Variants in TNIK observed in about 807,000 individuals in gnomAD.
TNIK encodes the protein TRAF2 and NCK interacting kinase.
Under a neutral mutation model 191.3 loss-of-function variants are expected in TNIK, and 49 were observed. The ratio of observed to expected loss-of-function variants is 0.26; its 90% CI spans 0.20 to 0.32. TNIK has a LOEUF of 0.32. Among genes scored for constraint, TNIK ranks in the 10% least tolerant of loss-of-function variants. The pLI is 1.00. For synonymous variants in TNIK, 594 were observed against 600.9 expected (o/e 0.99, Z 0.17); for missense variants, 1,155 against 1,702.3 (o/e 0.68, Z 5.66).
intron 1 of TNIK, among the ~76,000 whole-genome samples, chr3:171,424,436 G>A (rs963763626): frequency 6.6e-6 from 1 of 152,204 alleles, no homozygotes; most frequent in South Asian, 2.1e-4. Flanking sequence ...AATTCCTCAG[G>A]GATCTAGAAC....
chr3:171,116,382 A>T (rs1726699463), intron 18 of TNIK, among the ~76,000 whole-genome samples: 1 of 152,226 alleles, frequency 6.6e-6, no homozygotes, highest in African/African-American at 2.4e-5. Flanking sequence ...TTAAATGCTA[A>T]CTTTTAGTTC....
rs1560207371 is a variant in TNIK, at chr3:171,167,205, G to A, written c.839C>T (p.Thr280Ile). The change falls in exon 10 of 33, where the codon ACA becomes ATA. Residue 280 changes from threonine to isoleucine, a missense_variant. This residue lies in a region of TNIK where 225 missense variants were observed against 438.9 expected (regional missense o/e 0.51). Transcript: ENST00000436636. ...LVKNHSQRPA[T>I]EQLMKHPFIR... Reference sequence around the variant, plus strand: ...AAATGGATGCTTCATCAATTGTTCTGTTGCTGGTCGCTGGCTGTGATTCTT... The same window carrying A: ...AAATGGATGCTTCATCAATTGTTCTATTGCTGGTCGCTGGCTGTGATTCTT... 1.2e-6 allele frequency: 2 copies of A among 1,613,930 alleles called. No homozygotes were observed. The highest frequency in any genetic ancestry group is 1.7e-6 in the Non-Finnish European group (2 of 1,179,882).
chr3:171,101,497 C>T lies in TNIK; in HGVS notation c.2543G>A (p.Ser848Asn). Reference protein sequence around the residue: ...SSEEEEEDGESETHDGTVAVS... With the variant: ...SSEEEEEDGENETHDGTVAVS... ...AGCCACTGTCCCATCATGGGTCTCG[C>T]TCTCTCCATCTTCCTCCTCTTCCTC... Residue 848 changes from serine (S) to asparagine (N), a missense_variant, in exon 22 of 33, where the codon AGC becomes AAC. By Grantham distance (46) the Ser-to-Asn change is conservative (BLOSUM62 1). This residue lies in a region of TNIK where 735 missense variants were observed against 848.0 expected (regional missense o/e 0.87). Transcript: ENST00000436636. 1 of 1,613,498 alleles carries T rather than the reference C, an allele frequency of 6.2e-7. No individual in the cohort carries two copies. The highest frequency in any genetic ancestry group is 8.5e-7 in the Non-Finnish European group (1 of 1,179,542).
intron 2 of TNIK, among the ~76,000 whole-genome samples, chr3:171,351,757 TCTC>T (rs983315639): frequency 5.9e-5 from 9 of 152,146 alleles, no homozygotes; most frequent in African/African-American, 2.2e-4. Flanking sequence ...AGATCTCCCT[TCTC>T]CTCTTCACTT....
intron 15 of TNIK, among the ~76,000 whole-genome samples, chr3:171,131,634 G>T (rs1206442499): frequency 6.6e-6 from 1 of 152,188 alleles, no homozygotes; most frequent in African/African-American, 2.4e-5. Flanking sequence ...TTTGTCCAAA[G>T]AAAATTGAAA....
chr3:171,062,371 G>C lies in TNIK; in HGVS notation c.*1510C>G, dbSNP rs1050959536. On this transcript the variant is annotated 3_prime_UTR_variant, in exon 33 of 33. Coordinates refer to ENST00000436636, the MANE Select transcript of TNIK (RefSeq NM_015028.4). Reference sequence around the variant, plus strand: ...CTCCTGGAGATAACACTGCTGTGATGAACAGTGAAACAAAAACAAACAAAA... The same window carrying C: ...CTCCTGGAGATAACACTGCTGTGATCAACAGTGAAACAAAAACAAACAAAA... 1 of 152,028 alleles carries C rather than the reference G, an allele frequency of 6.6e-6. No homozygotes were observed. Among genetic ancestry groups the C allele is most frequent in the African/African-American group, 2.4e-5 (1 of 41,378 alleles). The allele number at this position is 152,028 out of a possible 1,614,324, so 9.4% of individuals were successfully genotyped here. A position where few individuals can be genotyped will look rare whatever the true frequency, so the allele number is the denominator to read the frequency against.
chr3:171,118,349 A>T (rs932016636), intron 18 of TNIK, among the ~76,000 whole-genome samples: 8 of 152,220 alleles, frequency 5.3e-5, no homozygotes, highest in African/African-American at 1.9e-4. Flanking sequence ...ATATCGTGAA[A>T]ATGGCCATAC....
chr3:171,442,067 G>C (rs564351965), intron 1 of TNIK, among the ~76,000 whole-genome samples: 1 of 152,262 alleles, frequency 6.6e-6, no homozygotes, highest in East Asian at 1.9e-4. Flanking sequence ...ATTTGTCAAA[G>C]GGGAGTTATT....
intron 2 of TNIK, among the ~76,000 whole-genome samples, chr3:171,325,542 C>G (rs567752478): frequency 6.6e-6 from 1 of 152,208 alleles, no homozygotes; most frequent in Admixed American, 6.5e-5. Flanking sequence ...TTCAAATGTT[C>G]ATTCTTAATT....
In TNIK at chr3:171,093,956, A is replaced by G; in HGVS notation, c.2604T>C (p.Ala868=). 1.9e-6 allele frequency: 3 copies of G among 1,613,014 alleles called. No individual in the cohort carries two copies. Among genetic ancestry groups the G allele is most frequent in the Non-Finnish European group, 2.5e-6 (3 of 1,179,526 alleles). Reference sequence around the variant, plus strand: ...CATTGTACTGCTCGTTGCTGCCTGGAGCTCCTGTTGGTCTGAGATGAGAAG... The same window carrying G: ...CATTGTACTGCTCGTTGCTGCCTGGGGCTCCTGTTGGTCTGAGATGAGAAG... ...SDIPRLIPTG[A]PGSNEQYNVG... Residue 868 remains alanine, a synonymous_variant, in exon 23 of 33, where the codon GCT becomes GCC. Coordinates refer to ENST00000436636, the MANE Select transcript of TNIK (RefSeq NM_015028.4).
intron 2 of TNIK, among the ~76,000 whole-genome samples, chr3:171,276,926 A>T (rs141299522): frequency 6.6e-6 from 1 of 152,362 alleles, no homozygotes; most frequent in Non-Finnish European, 1.5e-5. Context: ...TTTAGCAGAA[A>T]GTCTATGCTT....
chr3:171,282,116 C>T (rs1279186373), intron 2 of TNIK, among the ~76,000 whole-genome samples: 1 of 152,176 alleles, frequency 6.6e-6, no homozygotes, highest in African/African-American at 2.4e-5. Context: ...AGTCCACAAT[C>T]AGTGTCTTCA....
At chr3:171,253,159 C>CTA in intron 2 of TNIK, among the ~76,000 whole-genome samples, 1 of 151,468 alleles carries the variant, frequency 6.6e-6, no homozygotes, top group East Asian at 1.9e-4. Context: ...TGGCAGGTGC[C>CTA]TATAGTCCCA....
chr3:171,345,010 A>G (rs761470518), intron 2 of TNIK, among the ~76,000 whole-genome samples: 1 of 152,136 alleles, frequency 6.6e-6, no homozygotes, highest in Non-Finnish European at 1.5e-5. Context: ...CCTATCCTTT[A>G]TAAGAGATAA....
chr3:171,265,935 C>A (rs889264705), intron 2 of TNIK, among the ~76,000 whole-genome samples: 1 of 152,178 alleles, frequency 6.6e-6, no homozygotes, highest in Non-Finnish European at 1.5e-5. Flanking sequence ...TCCCATGGCT[C>A]CTGGGGTCCC....
chr3:171,302,032 G>A (rs1752940994), intron 2 of TNIK, among the ~76,000 whole-genome samples: 2 of 152,212 alleles, frequency 1.3e-5, no homozygotes, highest in South Asian at 2.1e-4. Flanking sequence ...AAATTTAGAT[G>A]CAAAGCCTAC....
chr3:171,408,142 T>C (rs1459949218), intron 1 of TNIK, among the ~76,000 whole-genome samples: 1 of 152,188 alleles, frequency 6.6e-6, no homozygotes, highest in Non-Finnish European at 1.5e-5. Flanking sequence ...TGAAAGTAAA[T>C]ATAACATCTC....
chr3:171,252,799 G>A (rs897671526), intron 2 of TNIK, among the ~76,000 whole-genome samples: 4 of 152,088 alleles, frequency 2.6e-5, no homozygotes, highest in East Asian at 3.9e-4. Flanking sequence ...GAGAGCACTC[G>A]GTTCCTGGTG....
intron 2 of TNIK, among the ~76,000 whole-genome samples, chr3:171,275,677 A>G (rs987136309): frequency 6.6e-6 from 1 of 152,064 alleles, no homozygotes; most frequent in African/African-American, 2.4e-5. Context: ...TGGGCGGATC[A>G]TGAGGACAGG....
Sources: allele counts gnomAD v4.1 joint callset (sites outside exome capture counted in the v4.1 genomes callset), GRCh38; gene constraint gnomAD v4.1.1; regional missense constraint gnomAD v4.1.1; transcripts MANE v1.5; gene names NCBI Gene and HGNC (gene_info 2026-07-23, HGNC 2026-07-21).